The following TRPC7 variants were observed in gnomAD, a reference collection of about 807,000 sequenced individuals.
TRPC7 encodes the protein transient receptor potential cation channel subfamily C member 7, also known as short transient receptor potential channel 7.
TRPC7 carries 42 observed loss-of-function variants against 90.1 expected under a neutral mutation model. The ratio of observed to expected loss-of-function variants is 0.47; its 90% CI spans 0.36 to 0.60. TRPC7 has a LOEUF of 0.60. Ranked by LOEUF, TRPC7 falls within the 20% of genes least tolerant of loss-of-function variation. The pLI is 0.00. For missense variants in TRPC7, 955 were observed against 1,112.3 expected, an observed-to-expected ratio of 0.86 and a Z score of 2.01; for synonymous variants, 451 against 436.3, an observed-to-expected ratio of 1.03 and a Z score of -0.42.
intron 11 of TRPC7, chr5:136,213,910 T>TGTTTATGTTCATAAACAA: frequency 3.1e-6 from 1 of 318,818 alleles, no homozygotes; most frequent in Non-Finnish European, 5.8e-6. Context: ...TTTCATAAAA[T>TGTTTATGTTCATAAACAA]ACTTGTTAGA....
intron 2 of TRPC7, among the ~76,000 whole-genome samples, chr5:136,336,739 C>T (rs1473125696): frequency 6.6e-6 from 1 of 152,084 alleles, no homozygotes; most frequent in East Asian, 1.9e-4. Context: ...TCAATTCCCA[C>T]CTATGAGTGA....
At chr5:136,216,554 A>G (rs1422845382) in intron 10 of TRPC7, among the ~76,000 whole-genome samples, 1 of 152,206 alleles carries the variant, frequency 6.6e-6, no homozygotes, top group Admixed American at 6.5e-5. Flanking sequence ...AGAGAGACAG[A>G]GAGAAAGGGT....
At chr5:136,357,773 G>T (rs564701189) in intron 1 of TRPC7, among the ~76,000 whole-genome samples, 2 of 152,252 alleles carry the variant, frequency 1.3e-5, no homozygotes, top group East Asian at 3.9e-4. Context: ...ACCCCTCTAT[G>T]CTTTAGTTTT....
At chr5:136,317,752 A>T (rs1580947979) in intron 2 of TRPC7, among the ~76,000 whole-genome samples, 1 of 152,184 alleles carries the variant, frequency 6.6e-6, no homozygotes, top group East Asian at 1.9e-4. Context: ...CTTGATGGAA[A>T]CTCCTGCCTA....
chr5:136,288,512 G>A (rs779631898), intron 3 of TRPC7, among the ~76,000 whole-genome samples: 1 of 151,528 alleles, frequency 6.6e-6, no homozygotes, highest in Non-Finnish European at 1.5e-5. Flanking sequence ...GCCGGCTATG[G>A]AGCAGAATAA....
intron 2 of TRPC7, among the ~76,000 whole-genome samples, chr5:136,343,273 C>T (rs1759900059): frequency 6.6e-6 from 1 of 152,162 alleles, no homozygotes; most frequent in East Asian, 1.9e-4. Context: ...GAATGACAGA[C>T]AAATATAACT....
At position 136,216,262 on chromosome 5, in the gene TRPC7, C is replaced by T. The variant is rs768651273; in HGVS notation, c.2357G>A (p.Arg786Gln). 40 of 1,612,748 alleles carry T rather than the reference C, an allele frequency of 2.5e-5. No homozygotes were observed. Among genetic ancestry groups the T allele is most frequent in the South Asian group, 4.4e-5 (4 of 90,686 alleles). The change falls in exon 11 of 12, where the codon CGG (arginine) becomes CAG (glutamine). Residue 786 changes from arginine (R) to glutamine (Q), a missense_variant. Coordinates refer to ENST00000513104, the MANE Select transcript of TRPC7 (RefSeq NM_020389.3). ...TTTCAGGACGTATCTTTTTATGAGC[C>T]GTTTCATGATTTTCTGAAATGCCAA... ...KPTRYQKIMK[R>Q]LIKRYVLKAQ...
intron 2 of TRPC7, among the ~76,000 whole-genome samples, chr5:136,334,200 G>T (rs2149848077): frequency 6.6e-6 from 1 of 152,290 alleles, no homozygotes; most frequent in South Asian, 2.1e-4. Flanking sequence ...CCAGAAGATT[G>T]TGTCATGACT....
chr5:136,322,171 A>G (rs536523527), intron 2 of TRPC7, among the ~76,000 whole-genome samples: 3 of 151,854 alleles, frequency 2.0e-5, no homozygotes, highest in African/African-American at 7.2e-5. Context: ...CCTGCCACCA[A>G]GCCCTGCTAA....
intron 3 of TRPC7, among the ~76,000 whole-genome samples, chr5:136,298,412 T>C (rs1214479949): frequency 6.6e-6 from 1 of 152,124 alleles, no homozygotes; most frequent in African/African-American, 2.4e-5. Flanking sequence ...ATGCAGCACT[T>C]TGTAGGCCAT....
intron 3 of TRPC7, among the ~76,000 whole-genome samples, chr5:136,292,989 C>G (rs531097851): frequency 6.6e-6 from 1 of 152,076 alleles, no homozygotes; most frequent in East Asian, 1.9e-4. Context: ...GCTGGTTCAA[C>G]GTATGAAAAT....
intron 10 of TRPC7, among the ~76,000 whole-genome samples, chr5:136,218,480 T>C (rs1038599526): frequency 2.0e-5 from 3 of 152,182 alleles, no homozygotes; most frequent in Non-Finnish European, 4.4e-5. Context: ...TTAAGGGTTC[T>C]TCAGTTTCTG....
chr5:136,294,423 G>A (rs1758082396), intron 3 of TRPC7, among the ~76,000 whole-genome samples: 1 of 152,010 alleles, frequency 6.6e-6, no homozygotes. Flanking sequence ...AATCTACAAT[G>A]AACTCAAACA....
chr5:136,214,634 G>C (rs1013346600), intron 11 of TRPC7, among the ~76,000 whole-genome samples: 7 of 152,154 alleles, frequency 4.6e-5, no homozygotes, highest in African/African-American at 1.7e-4. Flanking sequence ...TGGCTGGCCT[G>C]ACACTTGGCC....
chr5:136,356,795 C>G lies in TRPC7; in HGVS notation c.593G>C (p.Cys198Ser). The G allele has an allele frequency of 6.2e-7, 1 of 1,612,402 alleles. No homozygotes were observed. The highest frequency in any genetic ancestry group is 8.5e-7 in the Non-Finnish European group (1 of 1,178,952). Residue 198 changes from cysteine to serine, a missense_variant, in exon 2 of 12, where the codon TGC (cysteine) becomes TCC (serine). Physicochemically the swap from Cys to Ser is moderately radical, Grantham distance 112 (BLOSUM62 -1). Around this residue, in one of 4 missense-constraint regions of TRPC7, gnomAD observed 484 missense variants for 509.6 expected, o/e 0.95. Coordinates refer to ENST00000513104, the MANE Select transcript of TRPC7 (RefSeq NM_020389.3). ...TTTCTCGGTGCACTCATTGCACTTG[C>G]AGAAGTAGTCGTGGGGCCGCTCGAT... ...ARIERPHDYF[C>S]KCNECTEKQR...
chr5:136,329,898 C>T (rs1296741177), intron 2 of TRPC7, among the ~76,000 whole-genome samples: 1 of 152,062 alleles, frequency 6.6e-6, no homozygotes, highest in East Asian at 1.9e-4. Context: ...GTCAGGTTTG[C>T]CTATATGAAC....
chr5:136,359,947 G>A (rs1465468903), intron 1 of TRPC7, among the ~76,000 whole-genome samples: 2 of 152,078 alleles, frequency 1.3e-5, no homozygotes, highest in African/African-American at 4.8e-5. Flanking sequence ...TTACACTCAA[G>A]AGCATCTGAG....
At chr5:136,363,941 T>A (rs1164292632) in intron 1 of TRPC7, among the ~76,000 whole-genome samples, 2 of 152,208 alleles carry the variant, frequency 1.3e-5, no homozygotes, top group African/African-American at 4.8e-5. Flanking sequence ...TTTGATAGCT[T>A]TATTTTTAAA....
At chr5:136,235,712 G>A (rs897209836) in intron 7 of TRPC7, among the ~76,000 whole-genome samples, 1 of 152,196 alleles carries the variant, frequency 6.6e-6, no homozygotes, top group African/African-American at 2.4e-5. Flanking sequence ...AAAGCTGCTT[G>A]ACTCACAGAA....
Sources: gnomAD v4.1 joint callset for allele counts (sites outside exome capture counted in the v4.1 genomes callset) on GRCh38, gnomAD v4.1.1 for gene constraint, gnomAD v4.1.1 regional missense constraint, MANE v1.5 for transcripts, NCBI Gene and HGNC (gene_info 2026-07-23, HGNC 2026-07-21) for gene names.